PPP2R5C: variants seen among roughly 807,000 people sequenced by gnomAD.
The protein encoded by PPP2R5C is serine/threonine-protein phosphatase 2A 56 kDa regulatory subunit gamma isoform.
In PPP2R5C, 7 loss-of-function variants were observed where a neutral mutation model predicts 68.9. The observed-to-expected ratio is 0.10, with a 90% CI of 0.06 to 0.19. PPP2R5C has a LOEUF of 0.19. Ranked by LOEUF, PPP2R5C falls within the 10% of genes least tolerant of loss-of-function variation. The pLI is 1.00. For missense variants in PPP2R5C, 348 were observed against 641.3 expected (o/e 0.54, Z 4.94); for synonymous variants, 210 against 222.2 (o/e 0.95, Z 0.49).
At chr14:101,828,013 A>G (rs2040502264) in intron 1 of PPP2R5C, among the ~76,000 whole-genome samples, 2 of 152,122 alleles carry the variant, frequency 1.3e-5, no homozygotes, top group Non-Finnish European at 2.9e-5. Flanking sequence ...GTCAGTCCTC[A>G]GGATTCTTTA....
In PPP2R5C at chr14:101,906,548, C is replaced by T. The variant is rs779746397; in HGVS notation, c.1151+19C>T. On this transcript the variant is annotated intron_variant, in intron 10 of 13. Coordinates refer to ENST00000334743, the Ensembl canonical transcript of PPP2R5C. The surrounding 1 kb of genome is among the most constrained non-coding windows in gnomAD (Gnocchi z 4.0). Reference sequence around the variant, plus strand: ...GGAACAAGTAAGAAAGAACTGGCTGCCATCTTTTTCAGTCATTTTAAAATA... The same window carrying T: ...GGAACAAGTAAGAAAGAACTGGCTGTCATCTTTTTCAGTCATTTTAAAATA... 1 of 1,583,198 alleles carries T rather than the reference C, an allele frequency of 6.3e-7. No individual in the cohort carries two copies. The highest frequency in any genetic ancestry group is 8.6e-7 in the Non-Finnish European group (1 of 1,168,104).
At chr14:101,799,236 T>C (rs1191052789) in intron 3 of PPP2R5C, among the ~76,000 whole-genome samples, 1 of 152,100 alleles carries the variant, frequency 6.6e-6, no homozygotes, top group Non-Finnish European at 1.5e-5. Context: ...GAAGGGATCT[T>C]TCTGTTGGCA....
chr14:101,820,272 T>C (rs2039969444), intron 1 of PPP2R5C: 1 of 152,178 alleles, frequency 6.6e-6, no homozygotes, highest in African/African-American at 2.4e-5. Flanking sequence ...TTTGGAGAAC[T>C]TTTATCTGCC....
chr14:101,771,106 A>G (rs535411639), intron 2 of PPP2R5C, among the ~76,000 whole-genome samples: 2 of 152,338 alleles, frequency 1.3e-5, no homozygotes, highest in African/African-American at 4.8e-5. Flanking sequence ...AAATCCAAAC[A>G]GCGTTGTCAT....
At chr14:101,779,038 TGACA>T (rs1172724425) in intron 2 of PPP2R5C, among the ~76,000 whole-genome samples, 2 of 152,206 alleles carry the variant, frequency 1.3e-5, no homozygotes, top group South Asian at 2.1e-4. Flanking sequence ...CCAGCCTGAG[TGACA>T]GACAGACCCT....
At chr14:101,878,722 G>A (rs200972427) in intron 2 of PPP2R5C, among the ~76,000 whole-genome samples, 2 of 152,320 alleles carry the variant, frequency 1.3e-5, no homozygotes, top group East Asian at 3.9e-4. Context: ...TGCAGTTTGG[G>A]TCTCACAGGC....
intron 2 of PPP2R5C, among the ~76,000 whole-genome samples, chr14:101,859,755 CTTTGTGGT>C (rs2042648035): frequency 6.6e-6 from 1 of 152,138 alleles, no homozygotes; most frequent in Admixed American, 6.5e-5. Flanking sequence ...GCCTGGGCCT[CTTTGTGGT>C]TCACGTCTGA....
intron 8 of PPP2R5C, among the ~76,000 whole-genome samples, chr14:101,900,486 C>T (rs758112953): frequency 2.6e-5 from 4 of 152,304 alleles, no homozygotes; most frequent in Admixed American, 1.3e-4. Context: ...GTTGCTGTGA[C>T]GAGGCCAAAG....
intron 1 of PPP2R5C, among the ~76,000 whole-genome samples, chr14:101,831,163 G>A (rs913125238): frequency 3.3e-5 from 5 of 152,154 alleles, no homozygotes; most frequent in Non-Finnish European, 7.3e-5. Flanking sequence ...AAAGAGGTGT[G>A]CTGAGTTTTG....
chr14:101,863,865 TC>T (rs1247044422), intron 2 of PPP2R5C, among the ~76,000 whole-genome samples: 2 of 152,052 alleles, frequency 1.3e-5, no homozygotes, highest in Admixed American at 6.6e-5. Context: ...ACCACTGCAC[TC>T]CAGCCTGCGC....
chr14:101,804,045 C>T (rs771254568), intron 3 of PPP2R5C, among the ~76,000 whole-genome samples: 13 of 152,142 alleles, frequency 8.5e-5, no homozygotes, highest in African/African-American at 2.2e-4. Flanking sequence ...ACTAATAATC[C>T]GATCACAAGA....
Position 101,825,554 on chromosome 14 carries a change from G to A in PPP2R5C, c.94+15518G>A, listed in dbSNP as rs1020547233. On this transcript the variant is annotated intron_variant, in intron 1 of 13. Transcript: ENST00000334743. The surrounding 1 kb of genome is among the most constrained non-coding windows in gnomAD (Gnocchi z 4.0). ...GGGCAACAGAACACAGCATGCAGGC[G>A]GAACTGTGCAGGTCAGTCACCACTC... 9.8e-5 allele frequency among the ~76,000 whole-genome samples: 15 copies of A among 152,298 alleles called. No homozygotes were observed. The highest frequency in any genetic ancestry group is 1.9e-4 in the East Asian group (1 of 5,196).
At chr14:101,892,527 T>C (rs1229902157) in intron 6 of PPP2R5C, among the ~76,000 whole-genome samples, 1 of 152,144 alleles carries the variant, frequency 6.6e-6, no homozygotes, top group Non-Finnish European at 1.5e-5. Context: ...AATTTTTAAA[T>C]TATGTAGTTA....
intron 9 of PPP2R5C, among the ~76,000 whole-genome samples, chr14:101,905,225 A>G (rs2045957175): frequency 6.6e-6 from 1 of 152,192 alleles, no homozygotes; most frequent in African/African-American, 2.4e-5. Flanking sequence ...GCGATGGCGC[A>G]TGCCTATAGT....
chr14:101,906,637 CAAG>C lies in PPP2R5C; in HGVS notation c.1151+112_1151+114del. 2.9e-6 allele frequency: 4 copies of C among 1,388,612 alleles called. No homozygotes were observed. Among genetic ancestry groups the C allele is most frequent in the Non-Finnish European group, 1.9e-6 (2 of 1,029,504 alleles). 86.0% of individuals were successfully genotyped at this position (1,388,612 alleles called of 1,614,324 possible). A position where few individuals can be genotyped will look rare whatever the true frequency, so the allele number is the denominator to read the frequency against. ...AGAATTTTAAATATCAATTAAAAAA[CAAG>C]AAGGTCAGTTGCTTTGTGGACTCAT... On this transcript the variant is annotated intron_variant, in intron 10 of 13. Coordinates refer to ENST00000334743, the Ensembl canonical transcript of PPP2R5C. The surrounding 1 kb of genome is among the most constrained non-coding windows in gnomAD (Gnocchi z 4.0).
intron 8 of PPP2R5C, among the ~76,000 whole-genome samples, chr14:101,897,093 C>T (rs552802421): frequency 3.3e-5 from 5 of 152,248 alleles, no homozygotes; most frequent in South Asian, 2.1e-4. Flanking sequence ...CGTGGAAGGA[C>T]GCATCCCTGC....
intron 7 of PPP2R5C, among the ~76,000 whole-genome samples, chr14:101,893,604 G>A: frequency 6.6e-6 from 1 of 152,210 alleles, no homozygotes; most frequent in Non-Finnish European, 1.5e-5. Context: ...TACAAAACTA[G>A]CCGGGCATGG....
chr14:101,830,230 C>T (rs1175070242), intron 1 of PPP2R5C, among the ~76,000 whole-genome samples: 1 of 152,200 alleles, frequency 6.6e-6, no homozygotes, highest in African/African-American at 2.4e-5. Context: ...AATTCGGGTT[C>T]CTGTTACCAA....
intron 2 of PPP2R5C, among the ~76,000 whole-genome samples, chr14:101,768,637 G>A (rs192150541): frequency 7.2e-5 from 11 of 152,050 alleles, no homozygotes; most frequent in African/African-American, 2.7e-4. Flanking sequence ...TTTCGTATGT[G>A]TAGCCTGTGA....
Sources: allele counts gnomAD v4.1 joint callset (sites outside exome capture counted in the v4.1 genomes callset), GRCh38; gene constraint gnomAD v4.1.1; non-coding constraint Gnocchi (gnomAD v3.1); transcripts MANE v1.5; gene names NCBI Gene and HGNC (gene_info 2026-07-23, HGNC 2026-07-21).